The following TMEM40 variants were observed in gnomAD, a reference collection of about 807,000 sequenced individuals.
The protein encoded by TMEM40 is transmembrane protein 40.
Under a neutral mutation model 40.8 loss-of-function variants are expected in TMEM40, and 34 were observed. The observed-to-expected ratio is 0.83, with a 90% CI of 0.63 to 1.11. The LOEUF is 1.11. Ranked by LOEUF, TMEM40 falls within the 50% of genes least tolerant of loss-of-function variation. TMEM40 has a pLI of 0.00. For missense variants in TMEM40, 296 were observed against 280.2 expected, an observed-to-expected ratio of 1.06 and a Z score of -0.40; for synonymous variants, 106 against 107.0, an observed-to-expected ratio of 0.99 and a Z score of 0.06.
chr3:12,735,680 C>T, intron 10 of TMEM40, 63 bp from the exon 11 acceptor site: 4 of 1,453,438 alleles, frequency 2.8e-6, no homozygotes, highest in South Asian at 1.2e-5. Context: ...ACCAGGCCAC[C>T]ACTGGACAAG....
intron 1 of TMEM40, among the ~76,000 whole-genome samples, chr3:12,767,661 A>C (rs1052395492): frequency 6.6e-6 from 1 of 152,006 alleles, no homozygotes; most frequent in African/African-American, 2.4e-5. Flanking sequence ...ACTCCTCTGA[A>C]CTCCACTGCT....
intron 3 of TMEM40, among the ~76,000 whole-genome samples, chr3:12,746,866 G>A (rs2061432959): frequency 6.6e-6 from 1 of 152,180 alleles, no homozygotes; most frequent in Non-Finnish European, 1.5e-5. Context: ...CACTCCTTGA[G>A]AGACAACCAG....
chr3:12,765,566 CTTTTT>C (rs530745103), intron 1 of TMEM40, among the ~76,000 whole-genome samples: 3 of 125,702 alleles, frequency 2.4e-5, no homozygotes, highest in African/African-American at 6.0e-5. Flanking sequence ...TGTTTGATTA[CTTTTT>C]TTTTTTTTTT....
At chr3:12,746,454 C>T (rs1360843383) in intron 3 of TMEM40, among the ~76,000 whole-genome samples, 1 of 152,118 alleles carries the variant, frequency 6.6e-6, no homozygotes, top group East Asian at 1.9e-4. Context: ...TGTGTGTAAT[C>T]TTTTACAGTT....
At chr3:12,743,565 A>C (rs1182951321) in intron 4 of TMEM40, among the ~76,000 whole-genome samples, 3 of 152,228 alleles carry the variant, frequency 2.0e-5, no homozygotes, top group Non-Finnish European at 4.4e-5. Flanking sequence ...AATCACTTAT[A>C]ATTCCACCAT....
At chr3:12,766,846 G>A (rs556583330) in intron 1 of TMEM40, among the ~76,000 whole-genome samples, 6 of 148,062 alleles carry the variant, frequency 4.1e-5, no homozygotes, top group Admixed American at 1.3e-4. Flanking sequence ...AGGGGCAGAG[G>A]GGGGACCAGG....
At chr3:12,740,834 A>G (rs912640726) in intron 5 of TMEM40, among the ~76,000 whole-genome samples, 1 of 152,214 alleles carries the variant, frequency 6.6e-6, no homozygotes, top group East Asian at 1.9e-4. Flanking sequence ...CTCAAGCCTG[A>G]GCAACAGAGT....
At chr3:12,755,233 C>CTCTCTCTCTCTCTCTCTCTT (rs1553634013) in intron 1 of TMEM40, among the ~76,000 whole-genome samples, 4 of 59,962 alleles carry the variant, frequency 6.7e-5, no homozygotes, top group African/African-American at 2.1e-4. Flanking sequence ...CTCTCTCTCT[C>CTCTCTCTCTCTCTCTCTCTT]TCTTTCTTTC....
chr3:12,751,759 T>C (rs775027031), intron 1 of TMEM40, among the ~76,000 whole-genome samples: 2 of 152,186 alleles, frequency 1.3e-5, no homozygotes, highest in Non-Finnish European at 2.9e-5. Flanking sequence ...TACATATTCA[T>C]TGGCTGAGAT....
chr3:12,750,462 G>A (rs2061466457), intron 1 of TMEM40, among the ~76,000 whole-genome samples: 1 of 152,120 alleles, frequency 6.6e-6, no homozygotes, highest in African/African-American at 2.4e-5. Flanking sequence ...TCTTTTAATG[G>A]AGCCCATGTG....
At chr3:12,744,013 TAGG>T in intron 3 of TMEM40, 24 bp from the exon 4 acceptor site, 6 of 1,606,896 alleles carry the variant, frequency 3.7e-6, no homozygotes, top group Non-Finnish European at 5.1e-6. Flanking sequence ...ACACAAGCTG[TAGG>T]AGAAGCTCAG....
At chr3:12,750,930 C>T (rs2106616661) in intron 1 of TMEM40, among the ~76,000 whole-genome samples, 1 of 152,240 alleles carries the variant, frequency 6.6e-6, no homozygotes, top group African/African-American at 2.4e-5. Context: ...AACATCACCC[C>T]CCATTTGAGA....
chr3:12,749,806 C>T lies in TMEM40; in HGVS notation c.27G>A (p.Gln9=), dbSNP rs1352316279. Reference sequence around the variant, plus strand: ...TGTGGACTTGACTGTTGTCCTGAGGCTGGGAGGAGGATGCTGAAGTCTCCA... The same window carrying T: ...TGTGGACTTGACTGTTGTCCTGAGGTTGGGAGGAGGATGCTGAAGTCTCCA... METSASSS[Q]PQDNSQVHRE... The change falls in exon 2 of 12, where the codon CAG becomes CAA. Residue 9 remains glutamine, a synonymous_variant. Transcript: ENST00000314124. 6.2e-7 allele frequency: 1 copy of T among 1,614,024 alleles called. No homozygotes were observed. The highest frequency in any genetic ancestry group is 8.5e-7 in the Non-Finnish European group (1 of 1,180,018).
At position 12,755,219 on chromosome 3, in the gene TMEM40, C is replaced by CTTTCTT. The variant is rs2061513343; in HGVS notation, c.-9+3971_-9+3972insAAGAAA. Among the ~76,000 whole-genome samples, 9 of 77,890 alleles carry CTTTCTT rather than the reference C, an allele frequency of 1.2e-4. 1 individual carries two copies. Among genetic ancestry groups the CTTTCTT allele is most frequent in the African/African-American group, 3.7e-4 (4 of 10,918 alleles). 51.1% of individuals were successfully genotyped at this position (77,890 alleles called of 152,430 possible). ...CCTTCCTTTCTTTCTTTCTTTCTCT[C>CTTTCTT]TCTCTCTCTCTCTCTCTTTCTTTCT... On this transcript the variant is annotated intron_variant, in intron 1 of 11. Coordinates refer to ENST00000314124, the MANE Select transcript of TMEM40 (RefSeq NM_018306.4).
intron 1 of TMEM40, among the ~76,000 whole-genome samples, chr3:12,757,469 CAAAAAA>C (rs796454706): frequency 1.1e-5 from 1 of 87,294 alleles, no homozygotes. Context: ...AACTCCGTCT[CAAAAAA>C]AAAAAAAAAA....
chr3:12,763,115 G>C (rs945234007), upstream of TMEM40, among the ~76,000 whole-genome samples: 1 of 143,268 alleles, frequency 7.0e-6, no homozygotes, highest in East Asian at 2.0e-4. Context: ...AGCCGAGATC[G>C]CGCCACTGCA....
intron 5 of TMEM40, among the ~76,000 whole-genome samples, chr3:12,742,249 C>T (rs968925683): frequency 2.6e-5 from 4 of 151,952 alleles, no homozygotes; most frequent in Admixed American, 6.6e-5. Context: ...AAACAAAAAC[C>T]CCAGAAAATG....
At chr3:12,747,291 GATTAGCCTCCCGGA>G (rs1277385025) in intron 3 of TMEM40, among the ~76,000 whole-genome samples, 3 of 151,966 alleles carry the variant, frequency 2.0e-5, no homozygotes, top group Non-Finnish European at 4.4e-5. Context: ...GGTTGAGGAG[GATTAGCCTCCCGGA>G]TCCCACAAAG....
At chr3:12,743,373 G>A (rs9831822) in intron 4 of TMEM40, among the ~76,000 whole-genome samples, 11,758 of 152,050 alleles carry the variant, frequency 0.077, 1,242 homozygotes, top group African/African-American at 0.24. Context: ...AGGCTGAAGC[G>A]GGAGAATCAC....
Sources: allele counts gnomAD v4.1 joint callset (sites outside exome capture counted in the v4.1 genomes callset), GRCh38; gene constraint gnomAD v4.1.1; transcripts MANE v1.5; gene names NCBI Gene and HGNC (gene_info 2026-07-23, HGNC 2026-07-21).